PTCHD1: variants seen among roughly 807,000 people sequenced by gnomAD.
PTCHD1 encodes patched domain-containing protein 1.
A neutral mutation model predicts 34.6 loss-of-function variants in PTCHD1; 3 were observed. That is an observed-to-expected ratio of 0.09 (90% CI 0.04 to 0.22). The LOEUF (loss-of-function observed/expected upper bound fraction) is 0.22. PTCHD1 is among the 10% of genes least tolerant of loss of function. PTCHD1 has a pLI of 1.00. For missense variants in PTCHD1, 504 were observed against 685.5 expected, an observed-to-expected ratio of 0.74 and a Z score of 2.96; for synonymous variants, 305 against 283.1, an observed-to-expected ratio of 1.08 and a Z score of -0.77.
At chrX:23,387,260 T>A (rs892377832) in intron 2 of PTCHD1, among the ~76,000 whole-genome samples, 4 of 111,799 alleles carry the variant, frequency 3.6e-5, no homozygotes, top group African/African-American at 1.3e-4. Context: ...TATTTGTTAG[T>A]AGATTCTGTC....
chrX:23,373,000 C>T (rs959915123), intron 1 of PTCHD1, among the ~76,000 whole-genome samples: 8 of 112,329 alleles, frequency 7.1e-5, no homozygotes, highest in East Asian at 2.8e-4. Flanking sequence ...TCCCAGACTA[C>T]GGGAATAAAG....
intron 1 of PTCHD1, among the ~76,000 whole-genome samples, chrX:23,374,981 C>T (rs897215016): frequency 1.1e-4 from 12 of 111,964 alleles, no homozygotes; most frequent in African/African-American, 3.6e-4. Flanking sequence ...ACACTGGAAG[C>T]CAAAACTTTT....
At position 23,389,088 on chromosome X, in the gene PTCHD1, C is replaced by T. The variant is rs189210313; in HGVS notation, c.1013-3443C>T. On this transcript the variant is annotated intron_variant, in intron 2 of 2. Coordinates refer to ENST00000379361, the MANE Select transcript of PTCHD1 (RefSeq NM_173495.3). ...CCATTCCCATGTCCATTCTCTGTCCCATTCCCCAGACCTAAGGGAAGCTGC... is the reference window on the plus strand; with the variant it reads ...CCATTCCCATGTCCATTCTCTGTCCTATTCCCCAGACCTAAGGGAAGCTGC... 1.9e-4 allele frequency among the ~76,000 whole-genome samples: 21 copies of T among 112,138 alleles called. No homozygotes were observed. In the East Asian group the frequency reaches 5.6e-3, roughly 30 times the overall value.
chrX:23,390,897 T>C (rs781187229), intron 2 of PTCHD1, among the ~76,000 whole-genome samples: 95 of 111,135 alleles, frequency 8.5e-4, no homozygotes, highest in Middle Eastern at 4.6e-3. Context: ...TACAAGACTA[T>C]TGTACCACAG....
At chrX:23,349,295 T>A (rs994616570) in intron 1 of PTCHD1, among the ~76,000 whole-genome samples, 2 of 111,765 alleles carry the variant, frequency 1.8e-5, no homozygotes, top group Non-Finnish European at 3.8e-5. Context: ...ATGGTAGATA[T>A]TAATCTAATT....
At position 23,350,060 on chromosome X, in the gene PTCHD1, TAAAAAAA is replaced by T. The variant is rs57194123; in HGVS notation, c.351+14857_351+14863del. Among the ~76,000 whole-genome samples the T allele has an allele frequency of 2.9e-3, 116 of 40,408 alleles. 1 individual carries two copies. The highest frequency in any genetic ancestry group is 9.8e-3 in the African/African-American group (89 of 9,080). 35.1% of individuals were successfully genotyped at this position (40,408 alleles called of 115,157 possible). On this transcript the variant is annotated intron_variant, in intron 1 of 2. Transcript: ENST00000379361. Reference sequence around the variant, plus strand: ...CTAGGAAAGCTCCCTTTAGTGCTGTTAAAAAAAAAAAAAAAAAAAAAAAAAAAAAGAC... The same window carrying T: ...CTAGGAAAGCTCCCTTTAGTGCTGTTAAAAAAAAAAAAAAAAAAAAAAGAC...
intron 1 of PTCHD1, among the ~76,000 whole-genome samples, chrX:23,360,367 T>C (rs185578103): frequency 8.9e-6 from 1 of 112,138 alleles, no homozygotes; most frequent in African/African-American, 3.2e-5. Context: ...TCTTCCTGGT[T>C]TAGTCTTGGG....
In PTCHD1 at chrX:23,363,144, G is replaced by A. The variant is rs751302422; in HGVS notation, c.352-16447G>A. 1.7e-4 allele frequency among the ~76,000 whole-genome samples: 19 copies of A among 112,434 alleles called. No individual in the cohort carries two copies. In the East Asian group the frequency reaches 5.3e-3, roughly 32 times the overall value. On this transcript the variant is annotated intron_variant, in intron 1 of 2. Transcript: ENST00000379361. ...AGGAGGCAGTCTGTCCATTCTCAGA[G>A]CTCAAACACTGTGCTGGGAGAACCA...
intron 1 of PTCHD1, among the ~76,000 whole-genome samples, chrX:23,336,733 T>A (rs1921179640): frequency 9.0e-6 from 1 of 111,621 alleles, no homozygotes; most frequent in African/African-American, 3.3e-5. Context: ...TGATTAGACT[T>A]CCAGCATCAA....
intron 1 of PTCHD1, among the ~76,000 whole-genome samples, chrX:23,377,622 A>G (rs981683947): frequency 2.0e-5 from 2 of 97,875 alleles, no homozygotes. Flanking sequence ...GTGTGTGTTT[A>G]CATATTTATA....
intron 1 of PTCHD1, among the ~76,000 whole-genome samples, chrX:23,377,575 GGT>G (rs748957859): frequency 0.066 from 5,921 of 90,268 alleles, 188 homozygotes; most frequent in African/African-American, 0.12. Context: ...GCCTCCTAGG[GGT>G]GTGTGTGTGT....
Position 23,393,527 on chromosome X carries a change from G to C in PTCHD1, c.2009G>C (p.Arg670Thr). 8.3e-7 allele frequency: 1 copy of C among 1,211,693 alleles called. No homozygotes were observed. The highest frequency in any genetic ancestry group is 1.1e-6 in the Non-Finnish European group (1 of 895,291). The change falls in exon 3 of 3, where the codon AGA becomes ACA. Residue 670 changes from arginine (R) to threonine (T), a missense_variant. Arg to Thr is a moderately conservative substitution (Grantham distance 71). Transcript: ENST00000379361. ...TATGATCTCTTGGAAACCCTGAGGA[G>C]ACTTTCTGTCACCTCCAAGGTGAAG... ...ELYDLLETLR[R>T]LSVTSKVKFI...
At chrX:23,365,031 A>T (rs376058289) in intron 1 of PTCHD1, among the ~76,000 whole-genome samples, 31 of 111,895 alleles carry the variant, frequency 2.8e-4, no homozygotes, top group African/African-American at 9.7e-4. Flanking sequence ...TCAGCAGTGT[A>T]CCCTAGACCC....
At chrX:23,356,381 C>T (rs1310140166) in intron 1 of PTCHD1, among the ~76,000 whole-genome samples, 7 of 112,221 alleles carry the variant, frequency 6.2e-5, no homozygotes, top group African/African-American at 1.9e-4. Flanking sequence ...AAATGCGTGT[C>T]TAGAGCAGGC....
intron 1 of PTCHD1, among the ~76,000 whole-genome samples, chrX:23,340,200 A>C (rs756929161): frequency 8.9e-6 from 1 of 112,484 alleles, no homozygotes; most frequent in African/African-American, 3.2e-5. Flanking sequence ...ATTATGTAAA[A>C]TGAAAAAATG....
chrX:23,350,630 A>G (rs1163158385), intron 1 of PTCHD1, among the ~76,000 whole-genome samples: 1 of 111,764 alleles, frequency 8.9e-6, no homozygotes, highest in Non-Finnish European at 1.9e-5. Context: ...TGTGAACTGG[A>G]GATTGGTCAG....
At chrX:23,340,323 A>G (rs768905035) in intron 1 of PTCHD1, among the ~76,000 whole-genome samples, 18 of 112,069 alleles carry the variant, frequency 1.6e-4, no homozygotes, top group Non-Finnish European at 3.4e-4. Context: ...CCCAAAATGC[A>G]GTTATCTTGC....
chrX:23,376,420 C>T (rs903404786), intron 1 of PTCHD1, among the ~76,000 whole-genome samples: 1 of 112,378 alleles, frequency 8.9e-6, no homozygotes, highest in African/African-American at 3.2e-5. Flanking sequence ...CCCTGGCTTT[C>T]TTTTCCCTCT....
At chrX:23,342,310 A>ATAT (rs1921357058) in intron 1 of PTCHD1, among the ~76,000 whole-genome samples, 4 of 12,921 alleles carry the variant, frequency 3.1e-4, no homozygotes, top group Non-Finnish European at 3.3e-4. Flanking sequence ...ATATATATAT[A>ATAT]TTTTTTTTTT....
Sources: allele counts gnomAD v4.1 joint callset (sites outside exome capture counted in the v4.1 genomes callset), GRCh38; gene constraint gnomAD v4.1.1; transcripts MANE v1.5; gene names NCBI Gene and HGNC (gene_info 2026-07-23, HGNC 2026-07-21).